EPM2A: variants seen among roughly 807,000 people sequenced by gnomAD.
EPM2A encodes the protein laforin.
Under a neutral mutation model 26.5 loss-of-function variants are expected in EPM2A, and 21 were observed. That is an observed-to-expected ratio of 0.79 (90% CI 0.56 to 1.14). The LOEUF is 1.14. Among genes scored for constraint, EPM2A ranks in the 50% most tolerant of loss-of-function variants. The probability of loss-of-function intolerance (pLI) is 0.00; values close to 1 mark genes in which losing one functional copy is unlikely to be tolerated. For synonymous variants in EPM2A, 217 were observed against 177.6 expected (o/e 1.22, Z -1.76); for missense variants, 458 against 440.8 (o/e 1.04, Z -0.35).
chr6:145,711,164 G>A (rs1256262349), intron 1 of EPM2A, among the ~76,000 whole-genome samples: 1 of 152,144 alleles, frequency 6.6e-6, no homozygotes, highest in Non-Finnish European at 1.5e-5. Flanking sequence ...TTCAACTGCA[G>A]AGTCTCTAAC....
intron 4 of EPM2A, among the ~76,000 whole-genome samples, chr6:145,449,694 T>C (rs1779172113): frequency 6.6e-6 from 1 of 152,208 alleles, no homozygotes; most frequent in Non-Finnish European, 1.5e-5. Context: ...ATGAACCTTT[T>C]CTATAGCTAC....
intron 1 of EPM2A, among the ~76,000 whole-genome samples, chr6:145,711,677 C>T (rs1339516751): frequency 6.6e-6 from 1 of 152,044 alleles, no homozygotes; most frequent in African/African-American, 2.4e-5. Flanking sequence ...TTAGAGTTGG[C>T]AAAGGAAGGA....
chr6:145,728,645 G>A (rs1213745925), intron 1 of EPM2A, among the ~76,000 whole-genome samples: 2 of 152,182 alleles, frequency 1.3e-5, no homozygotes, highest in Non-Finnish European at 2.9e-5. Context: ...TCATATTTAT[G>A]AGCAAAGAGA....
rs74594306 is a variant in EPM2A at position 145,555,135 on chromosome 6, C to T, written c.341-52560G>A. 5.0e-3 allele frequency among the ~76,000 whole-genome samples: 758 copies of T among 152,238 alleles called. 4 individuals are homozygous for T. Among genetic ancestry groups the T allele is most frequent in the African/African-American group, 0.018 (738 of 41,570 alleles). The stretch of plus-strand genomic sequence containing the variant: ...TAAATGGGAATAATAATATCTGCTT[C>T]ACAGGATCCTTGAATGGTTTAAATG... On this transcript the variant is annotated intron_variant, in intron 2 of 3. Coordinates refer to the EPM2A transcript ENST00000450221.
chr6:145,642,058 G>C (rs924386680), intron 2 of EPM2A, among the ~76,000 whole-genome samples: 1 of 152,054 alleles, frequency 6.6e-6, no homozygotes, highest in Non-Finnish European at 1.5e-5. Context: ...CCTGAAATTT[G>C]ATCTATATGC....
At chr6:145,467,432 C>T (rs1582777990) in intron 4 of EPM2A, among the ~76,000 whole-genome samples, 1 of 152,096 alleles carries the variant, frequency 6.6e-6, no homozygotes, top group South Asian at 2.1e-4. Flanking sequence ...ATCTTATACT[C>T]TTTTTCTGTG....
intron 4 of EPM2A, among the ~76,000 whole-genome samples, chr6:145,449,267 G>A (rs915652471): frequency 6.6e-6 from 1 of 152,160 alleles, no homozygotes; most frequent in Non-Finnish European, 1.5e-5. Context: ...AGGTATTTCA[G>A]GAATGACAGC....
intron 2 of EPM2A, among the ~76,000 whole-genome samples, chr6:145,560,127 C>A (rs1453925674): frequency 6.6e-6 from 1 of 152,052 alleles, no homozygotes; most frequent in Non-Finnish European, 1.5e-5. Context: ...CAGAAATCAC[C>A]AAGAAGGGCA....
intron 1 of EPM2A, among the ~76,000 whole-genome samples, chr6:145,716,264 G>A (rs1775615843): frequency 6.6e-6 from 1 of 152,144 alleles, no homozygotes; most frequent in African/African-American, 2.4e-5. Flanking sequence ...CCACTGAACT[G>A]TGCACTTTAA....
intron 2 of EPM2A, among the ~76,000 whole-genome samples, chr6:145,537,325 T>C (rs879387751): frequency 5.9e-5 from 9 of 152,188 alleles, no homozygotes; most frequent in Admixed American, 1.3e-4. Context: ...TCGAAACCAA[T>C]AGAACATGGG....
At chr6:145,531,752 G>A (rs1020719598) in intron 2 of EPM2A, among the ~76,000 whole-genome samples, 8 of 152,120 alleles carry the variant, frequency 5.3e-5, no homozygotes, top group Non-Finnish European at 8.8e-5. Context: ...CACAGGCCCC[G>A]GACATTATGC....
intron 2 of EPM2A, among the ~76,000 whole-genome samples, chr6:145,617,226 A>G (rs1431529766): frequency 6.6e-6 from 1 of 152,092 alleles, no homozygotes; most frequent in Non-Finnish European, 1.5e-5. Flanking sequence ...TAAAAAGGGG[A>G]GTTTCCCTGC....
intron 4 of EPM2A, chr6:145,490,927 G>T: frequency 1.3e-6 from 1 of 755,434 alleles, no homozygotes; most frequent in Non-Finnish European, 2.3e-6. Context: ...AGGAACTTGT[G>T]TTCTGTGTGT....
chr6:145,660,115 T>C (rs1778578509), intron 2 of EPM2A, among the ~76,000 whole-genome samples: 1 of 152,188 alleles, frequency 6.6e-6, no homozygotes, highest in Admixed American at 6.5e-5. Flanking sequence ...TAGTAATACA[T>C]ATTTTATTTG....
intron 4 of EPM2A, among the ~76,000 whole-genome samples, chr6:145,487,950 G>C (rs1237610639): frequency 6.6e-6 from 1 of 152,012 alleles, no homozygotes; most frequent in Non-Finnish European, 1.5e-5. Context: ...TATAGTTTTG[G>C]GTTTTATATG....
intron 4 of EPM2A, among the ~76,000 whole-genome samples, chr6:145,422,231 A>G (rs1582742984): frequency 7.0e-6 from 1 of 143,420 alleles, no homozygotes; most frequent in Non-Finnish European, 1.5e-5. Flanking sequence ...AAATCTATAT[A>G]TTTGTATACA....
intron 1 of EPM2A, among the ~76,000 whole-genome samples, chr6:145,702,313 C>T (rs941961115): frequency 3.3e-5 from 5 of 152,082 alleles, no homozygotes; most frequent in Non-Finnish European, 5.9e-5. Context: ...TTGTAGGTTC[C>T]GTAAAACTTC....
downstream of EPM2A, among the ~76,000 whole-genome samples, chr6:145,620,968 T>C (rs890452165): frequency 1.6e-4 from 25 of 152,232 alleles, no homozygotes; most frequent in African/African-American, 6.0e-4. Context: ...TGTGATCTAC[T>C]GTGTTCTTAG....
At chr6:145,432,690 G>A (rs867600212) in intron 4 of EPM2A, among the ~76,000 whole-genome samples, 4 of 152,110 alleles carry the variant, frequency 2.6e-5, no homozygotes, top group Non-Finnish European at 4.4e-5. Context: ...TCAACTTAAA[G>A]CCACCAGCCA....
Sources: gnomAD v4.1 joint callset for allele counts (sites outside exome capture counted in the v4.1 genomes callset) on GRCh38, gnomAD v4.1.1 for gene constraint, MANE v1.5 for transcripts, NCBI Gene and HGNC (gene_info 2026-07-23, HGNC 2026-07-21) for gene names.